SH3D21: variants seen among roughly 807,000 people sequenced by gnomAD.
SH3D21 encodes SH3 domain-containing protein 21.
A neutral mutation model predicts 82.1 loss-of-function variants in SH3D21; 83 were observed. The observed-to-expected ratio is 1.01, with a 90% CI of 0.85 to 1.21. The LOEUF (loss-of-function observed/expected upper bound fraction) is 1.21. SH3D21 is among the 50% of genes most tolerant of loss of function. SH3D21 has a pLI of 0.00. For synonymous variants in SH3D21, 383 were observed against 387.8 expected (o/e 0.99, Z 0.15); for missense variants, 980 against 962.1 (o/e 1.02, Z -0.25).
At position 36,307,148 on chromosome 1, in the gene SH3D21, C is replaced by G. The variant is rs555612667; in HGVS notation, c.227-19C>G. On this transcript the variant is annotated intron_variant, in intron 3 of 15. Transcript: ENST00000453908. The surrounding 1 kb of genome is among the most constrained non-coding windows in gnomAD (Gnocchi z 5.4). ...CTGGGGCGTCCGACTGGAGCTCAGC[C>G]GCGCTTGTCCGGTGCTAGGTCATCC... is the stretch of plus-strand genomic sequence containing the variant. 1.9e-6 allele frequency: 3 copies of G among 1,551,172 alleles called. No homozygotes were observed. The highest frequency in any genetic ancestry group is 2.0e-5 in the Admixed American group (1 of 50,998).
chr1:36,322,130 G>T, downstream of SH3D21: 1 of 1,353,486 alleles, frequency 7.4e-7, no homozygotes, highest in Admixed American at 3.4e-5. Context: ...CCGCCCCCGG[G>T]GTCTTCTGGC....
chr1:36,321,242 C>G lies in SH3D21; in HGVS notation c.*115C>G. 6.8e-7 allele frequency: 1 copy of G among 1,480,854 alleles called. No individual in the cohort carries two copies. The highest frequency in any genetic ancestry group is 9.0e-7 in the Non-Finnish European group (1 of 1,116,928). The allele number at this position is 1,480,854 out of a possible 1,614,324, so 91.7% of individuals were successfully genotyped here. A position where few individuals can be genotyped will look rare whatever the true frequency, so the allele number is the denominator to read the frequency against. On this transcript the variant is annotated 3_prime_UTR_variant, in exon 16 of 16. Transcript: ENST00000453908. The surrounding 1 kb of genome is among the most constrained non-coding windows in gnomAD (Gnocchi z 6.1). ...CTGCCTAGCACGGCGCCACGCCGGT[C>G]TGGTCGCTGGGGGCGGGGCCTGCGC...
chr1:36,307,990 A>G lies in SH3D21; in HGVS notation c.538+27A>G, dbSNP rs1570372324. ...TGAGCACCCATCCAAAGGGTCCCCC[A>G]CTCCCTCAGCCACTCCCAAGGTTGT... On this transcript the variant is annotated intron_variant, in intron 7 of 15. Coordinates refer to ENST00000453908, the MANE Select transcript of SH3D21 (RefSeq NM_001162530.2). This position sits in a 1 kb window ranked among gnomAD's most constrained non-coding sequence, Gnocchi z 5.4. 2 of 1,551,014 alleles carry G rather than the reference A, an allele frequency of 1.3e-6. No homozygotes were observed. The highest frequency in any genetic ancestry group is 2.7e-5 in the African/African-American group (2 of 72,876).
rs1646163090 is a variant in SH3D21 at position 36,307,980 on chromosome 1, A to G, written c.538+17A>G. 1.9e-6 allele frequency: 3 copies of G among 1,551,526 alleles called. No individual in the cohort carries two copies. In the East Asian group the frequency reaches 7.3e-5, roughly 38 times the overall value. ...TGCAGACAGGTGAGCACCCATCCAA[A>G]GGGTCCCCCACTCCCTCAGCCACTC... On this transcript the variant is annotated intron_variant, in intron 7 of 15. Coordinates refer to ENST00000453908, the MANE Select transcript of SH3D21 (RefSeq NM_001162530.2). This position sits in a 1 kb window ranked among gnomAD's most constrained non-coding sequence, Gnocchi z 5.4.
At chr1:36,322,482 G>T, downstream of SH3D21, 1 of 1,604,198 alleles carries the variant, frequency 6.2e-7, no homozygotes. Flanking sequence ...GGGCCCGTCC[G>T]GCTCTGCGGA....
intron 10 of SH3D21, among the ~76,000 whole-genome samples, chr1:36,316,741 C>T (rs1314999400): frequency 6.6e-6 from 1 of 151,270 alleles, no homozygotes; most frequent in Admixed American, 6.6e-5. Flanking sequence ...CTCCCTCCGC[C>T]TTTCTGGCTT....
rs773984020 is a variant in SH3D21 at position 36,307,947 on chromosome 1, A to G, written c.522A>G (p.Pro174=). The G allele has an allele frequency of 2.1e-5, 32 of 1,551,596 alleles. No homozygotes were observed. The highest frequency in any genetic ancestry group is 2.0e-4 in the South Asian group (17 of 84,060). ...KLSSLAYDSP[P]DYLQTVSHPE... is the part of the protein sequence containing the mutation. Reference sequence around the variant, plus strand: ...GCAGCCTGGCCTATGACAGCCCTCCAGACTACCTGCAGACAGGTGAGCACC... The same window carrying G: ...GCAGCCTGGCCTATGACAGCCCTCCGGACTACCTGCAGACAGGTGAGCACC... Residue 174 remains proline, a synonymous_variant, in exon 7 of 16, where the codon CCA becomes CCG. Transcript: ENST00000453908. This position sits in a 1 kb window ranked among gnomAD's most constrained non-coding sequence, Gnocchi z 5.4.
At chr1:36,325,613 C>T (rs1278641032), downstream of SH3D21, among the ~76,000 whole-genome samples, 4 of 152,178 alleles carry the variant, frequency 2.6e-5, no homozygotes, top group South Asian at 2.1e-4. Flanking sequence ...GGCGCGATCT[C>T]GGCTCACTGC....
At chr1:36,322,477 C>A (rs201498075), downstream of SH3D21, 252 of 1,604,210 alleles carry the variant, frequency 1.6e-4, no homozygotes, top group Non-Finnish European at 7.9e-5. Flanking sequence ...TTGAGGGGCC[C>A]GTCCGGCTCT....
downstream of SH3D21, chr1:36,323,067 C>A: frequency 6.3e-7 from 1 of 1,593,246 alleles, no homozygotes; most frequent in Non-Finnish European, 8.5e-7. Context: ...CCCCTACCAG[C>A]CTGCGAGGTC....
intron 9 of SH3D21, 95 bp downstream of exon 9, chr1:36,308,570 A>T: frequency 1.0e-6 from 1 of 980,176 alleles, no homozygotes; most frequent in Non-Finnish European, 1.6e-6. Context: ...CTGGAGGGTC[A>T]CTAAATGAGG....
Position 36,321,009 on chromosome 1 carries a change from G to A in SH3D21, c.2199+31G>A, listed in dbSNP as rs1478502232. 1.3e-6 allele frequency: 2 copies of A among 1,578,586 alleles called. No individual in the cohort carries two copies. Among genetic ancestry groups the A allele is most frequent in the Non-Finnish European group, 1.7e-6 (2 of 1,163,068 alleles). On this transcript the variant is annotated intron_variant, in intron 15 of 15. Coordinates refer to ENST00000453908, the MANE Select transcript of SH3D21 (RefSeq NM_001162530.2). This position sits in a 1 kb window ranked among gnomAD's most constrained non-coding sequence, Gnocchi z 6.1. The stretch of plus-strand genomic sequence containing the variant: ...GCGCGGGTCCCGGCGGGAGGGGGCT[G>A]ACGGCGAGTGGCCCCCTGACAAAGT...
chr1:36,307,157 C>G lies in SH3D21; in HGVS notation c.227-10C>G, dbSNP rs765785734. The G allele has an allele frequency of 7.1e-6, 11 of 1,551,354 alleles. No individual in the cohort carries two copies. Among genetic ancestry groups the G allele is most frequent in the Admixed American group, 3.9e-5 (2 of 50,992 alleles). On this transcript the variant is annotated splice_polypyrimidine_tract_variant and intron_variant, in intron 3 of 15. Coordinates refer to ENST00000453908, the MANE Select transcript of SH3D21 (RefSeq NM_001162530.2). The surrounding 1 kb of genome is among the most constrained non-coding windows in gnomAD (Gnocchi z 5.4). Reference sequence around the variant, plus strand: ...CCGACTGGAGCTCAGCCGCGCTTGTCCGGTGCTAGGTCATCCTGCCAAACA... The same window carrying G: ...CCGACTGGAGCTCAGCCGCGCTTGTGCGGTGCTAGGTCATCCTGCCAAACA...
downstream of SH3D21, chr1:36,328,894 T>G (rs1189032299): frequency 1.3e-5 from 2 of 152,356 alleles, no homozygotes; most frequent in Non-Finnish European, 2.9e-5. Context: ...CCAGGAACCC[T>G]GTGCAGTTTG....
chr1:36,326,023 G>C (rs1646540669), downstream of SH3D21, among the ~76,000 whole-genome samples: 1 of 152,290 alleles, frequency 6.6e-6, no homozygotes, highest in African/African-American at 2.4e-5. Context: ...GCTCTCACAG[G>C]GACATCCACA....
Position 36,320,895 on chromosome 1 carries a change from A to G in SH3D21, c.2136-20A>G. The G allele has an allele frequency of 6.4e-7, 1 of 1,556,290 alleles. No individual in the cohort carries two copies. Among genetic ancestry groups the G allele is most frequent in the East Asian group, 2.4e-5 (1 of 41,654 alleles). ...CCAGCCCTCACCTGCCCAGCCCCTC[A>G]CCTCCGCCTCGGCCCGCAGGAGGAA... On this transcript the variant is annotated intron_variant, in intron 14 of 15. Transcript: ENST00000453908.
rs756519185 is a variant in SH3D21 at position 36,307,982 on chromosome 1, G to GT, written c.538+19_538+20insT. The GT allele has an allele frequency of 6.4e-7, 1 of 1,551,576 alleles. No individual in the cohort carries two copies. The highest frequency in any genetic ancestry group is 1.2e-5 in the South Asian group (1 of 84,060). On this transcript the variant is annotated intron_variant, in intron 7 of 15. Transcript: ENST00000453908. This position sits in a 1 kb window ranked among gnomAD's most constrained non-coding sequence, Gnocchi z 5.4. ...CAGACAGGTGAGCACCCATCCAAAG[G>GT]GTCCCCCACTCCCTCAGCCACTCCC...
chr1:36,307,042 G>A lies in SH3D21; in HGVS notation c.227-125G>A, dbSNP rs991565137. 13 of 1,464,868 alleles carry A rather than the reference G, an allele frequency of 8.9e-6. No homozygotes were observed. The African/African-American group carries it at 1.7e-4, about 19-fold the overall frequency. 90.7% of individuals were successfully genotyped at this position (1,464,868 alleles called of 1,614,324 possible). A position where few individuals can be genotyped will look rare whatever the true frequency, so the allele number is the denominator to read the frequency against. On this transcript the variant is annotated intron_variant, in intron 3 of 15. Transcript: ENST00000453908. This position sits in a 1 kb window ranked among gnomAD's most constrained non-coding sequence, Gnocchi z 5.4. ...GCCCTGCGGTCTGTGATTGGTTCTCGAGTGCAATGCTCCGCCCTGGGGCGG... is the reference window on the plus strand; with the variant it reads ...GCCCTGCGGTCTGTGATTGGTTCTCAAGTGCAATGCTCCGCCCTGGGGCGG...
Position 36,320,366 on chromosome 1 carries a change from C to G in SH3D21, c.1703C>G (p.Ser568Cys), listed in dbSNP as rs767571417. 7 of 1,613,564 alleles carry G rather than the reference C, an allele frequency of 4.3e-6. No homozygotes were observed. In the South Asian group the frequency reaches 6.6e-5, roughly 15 times the overall value. Residue 568 changes from serine to cysteine, a missense_variant, in exon 14 of 16, where the codon TCT becomes TGT. Coordinates refer to ENST00000453908, the MANE Select transcript of SH3D21 (RefSeq NM_001162530.2). ...TCCCCACGCCAGGCTGAGTTGAAGT[C>G]TGGGCCAGCATCCAGGCCTGCCCTT... ...DSSPRQAELK[S>C]GPASRPALEK...
Sources: allele counts gnomAD v4.1 joint callset (sites outside exome capture counted in the v4.1 genomes callset), GRCh38; gene constraint gnomAD v4.1.1; non-coding constraint Gnocchi (gnomAD v3.1); transcripts MANE v1.5; gene names NCBI Gene and HGNC (gene_info 2026-07-23, HGNC 2026-07-21).